DHRSX: variants seen among roughly 807,000 people sequenced by gnomAD.
The protein encoded by DHRSX is dehydrogenase/reductase X-linked.
Under a neutral mutation model 34.0 loss-of-function variants are expected in DHRSX, and 31 were observed. The ratio of observed to expected loss-of-function variants is 0.91; its 90% CI spans 0.69 to 1.23. The LOEUF (loss-of-function observed/expected upper bound fraction) is 1.23, where lower values mean the gene tolerates loss of function less well. DHRSX is among the 50% of genes most tolerant of loss of function. The pLI is 0.00. For missense variants in DHRSX, 414 were observed against 428.1 expected (o/e 0.97, Z 0.29); for synonymous variants, 201 against 183.8 (o/e 1.09, Z -0.76).
At chrX:2,464,728 G>A (rs1171815987) in intron 1 of DHRSX, among the ~76,000 whole-genome samples, 1 of 151,554 alleles carries the variant, frequency 6.6e-6, no homozygotes, top group Non-Finnish European at 1.5e-5. Flanking sequence ...TAGGCATGTG[G>A]CCAAGGGACC....
chrX:2,402,179 C>A (rs1390484695), intron 3 of DHRSX, among the ~76,000 whole-genome samples: 17 of 152,164 alleles, frequency 1.1e-4, no homozygotes, highest in African/African-American at 1.7e-4. Flanking sequence ...AGGACGTGAG[C>A]CGACTTGCTT....
intron 1 of DHRSX, among the ~76,000 whole-genome samples, chrX:2,491,029 G>T (rs2045124968): frequency 6.6e-6 from 1 of 151,646 alleles, no homozygotes; most frequent in Non-Finnish European, 1.5e-5. Context: ...GAGTGAGCAC[G>T]GCATTTTTGC....
intron 2 of DHRSX, among the ~76,000 whole-genome samples, chrX:2,415,518 T>C (rs963845546): frequency 6.7e-6 from 1 of 150,214 alleles, no homozygotes; most frequent in African/African-American, 2.5e-5. Context: ...ATCATCGTAA[T>C]ATAATTCAAT....
Position 2,299,653 on chromosome X carries a change from G to A in DHRSX, c.287-8050C>T, listed in dbSNP as rs748082340. Among the ~76,000 whole-genome samples, 341 of 152,036 alleles carry A rather than the reference G, an allele frequency of 2.2e-3. 1 individual carries two copies. Among genetic ancestry groups the A allele is most frequent in the African/African-American group, 7.4e-3 (308 of 41,494 alleles). On this transcript the variant is annotated intron_variant, in intron 3 of 6. Coordinates refer to ENST00000334651, the MANE Select transcript of DHRSX (RefSeq NM_145177.3). ...GTGGATCACCTGAGGTCAGGAGTTC[G>A]AGACCAGCCTGGCCAACATGGTGAA...
chrX:2,314,065 C>G (rs1050679677), intron 3 of DHRSX, among the ~76,000 whole-genome samples: 15 of 151,170 alleles, frequency 9.9e-5, no homozygotes, highest in African/African-American at 3.6e-4. Flanking sequence ...AGATAGCAGA[C>G]TTCAGAGAGA....
chrX:2,319,456 G>A (rs927687377), intron 3 of DHRSX, among the ~76,000 whole-genome samples: 7 of 150,042 alleles, frequency 4.7e-5, no homozygotes, highest in Non-Finnish European at 8.9e-5. Flanking sequence ...GGCAGAAGAA[G>A]TGCTTGAACC....
At chrX:2,245,079 C>T (rs1433145955) in intron 5 of DHRSX, among the ~76,000 whole-genome samples, 1 of 151,960 alleles carries the variant, frequency 6.6e-6, no homozygotes, top group African/African-American at 2.4e-5. Context: ...ATCTGGGCAC[C>T]CCAAAAGCGG....
intron 3 of DHRSX, among the ~76,000 whole-genome samples, chrX:2,305,846 G>T (rs1265284930): frequency 6.6e-6 from 1 of 151,354 alleles, no homozygotes; most frequent in Admixed American, 6.6e-5. Context: ...GTTGGGGGGT[G>T]GGGGGCAAGG....
chrX:2,237,752 C>G (rs2016049768), intron 6 of DHRSX, among the ~76,000 whole-genome samples: 1 of 152,088 alleles, frequency 6.6e-6, no homozygotes, highest in Admixed American at 6.6e-5. Context: ...TGATCCTCCC[C>G]CTCAGCCTCC....
At chrX:2,347,712 G>A (rs2042738181) in intron 3 of DHRSX, among the ~76,000 whole-genome samples, 2 of 152,194 alleles carry the variant, frequency 1.3e-5, no homozygotes, top group South Asian at 2.1e-4. Flanking sequence ...TAAGATTTGA[G>A]TGGGGACAGA....
At chrX:2,225,921 AAGAAG>A (rs1427585128) in intron 6 of DHRSX, among the ~76,000 whole-genome samples, 1 of 151,746 alleles carries the variant, frequency 6.6e-6, no homozygotes, top group Non-Finnish European at 1.5e-5. Flanking sequence ...GACAGCTCAT[AAGAAG>A]AGGAGATGAG....
chrX:2,322,138 C>T (rs2042319482), intron 3 of DHRSX, among the ~76,000 whole-genome samples: 1 of 149,344 alleles, frequency 6.7e-6, no homozygotes, highest in South Asian at 2.2e-4. Flanking sequence ...TCTTCCCCCC[C>T]AAGACCCCAA....
chrX:2,381,329 A>G (rs900757641), intron 3 of DHRSX, among the ~76,000 whole-genome samples: 10 of 152,190 alleles, frequency 6.6e-5, no homozygotes, highest in Non-Finnish European at 1.3e-4. Context: ...CGTGATGACA[A>G]GAGTGAGAAG....
Position 2,283,658 on chromosome X carries a change from C to T in DHRSX, c.388+7844G>A, listed in dbSNP as rs779546189. ...GTTGATGCAGAACTGCACACCTGGG[C>T]TTCCCCGAATGAATCTTCCTTAACT... On this transcript the variant is annotated intron_variant, in intron 4 of 6. Coordinates refer to ENST00000334651, the MANE Select transcript of DHRSX (RefSeq NM_145177.3). 2.0e-5 allele frequency among the ~76,000 whole-genome samples: 3 copies of T among 152,304 alleles called. No homozygotes were observed. The South Asian group carries it at 6.2e-4, about 32-fold the overall frequency.
At chrX:2,282,413 G>A (rs1352946364) in intron 4 of DHRSX, among the ~76,000 whole-genome samples, 1 of 148,838 alleles carries the variant, frequency 6.7e-6, no homozygotes, top group Non-Finnish European at 1.5e-5. Context: ...AGAGAGAAAG[G>A]GGGAGAGAAG....
At chrX:2,283,470 G>T (rs1384199289) in intron 4 of DHRSX, among the ~76,000 whole-genome samples, 3 of 152,132 alleles carry the variant, frequency 2.0e-5, no homozygotes, top group African/African-American at 7.2e-5. Flanking sequence ...GCGCCGCGAT[G>T]CAACACTTTC....
chrX:2,485,547 G>C (rs1318636769), intron 1 of DHRSX, among the ~76,000 whole-genome samples: 1 of 141,036 alleles, frequency 7.1e-6, no homozygotes. Flanking sequence ...GGGAGAAAAG[G>C]GAGGGAGGGA....
chrX:2,276,787 AG>A (rs2041663573), intron 4 of DHRSX, among the ~76,000 whole-genome samples: 2 of 144,956 alleles, frequency 1.4e-5, no homozygotes, highest in South Asian at 2.3e-4. Flanking sequence ...AGAGAAGGAG[AG>A]GGAGGAAATA....
At chrX:2,287,416 C>T (rs2041816332) in intron 4 of DHRSX, among the ~76,000 whole-genome samples, 1 of 152,056 alleles carries the variant, frequency 6.6e-6, no homozygotes, top group East Asian at 1.9e-4. Flanking sequence ...CATCCCAATC[C>T]TCATGTGGAA....
Sources: gnomAD v4.1 joint callset for allele counts (sites outside exome capture counted in the v4.1 genomes callset) on GRCh38, gnomAD v4.1.1 for gene constraint, MANE v1.5 for transcripts, NCBI Gene and HGNC (gene_info 2026-07-23, HGNC 2026-07-21) for gene names.